The following ROBO1 variants were observed in gnomAD, a reference collection of about 807,000 sequenced individuals.
ROBO1 encodes the protein roundabout guidance receptor 1.
ROBO1 carries 149 observed loss-of-function variants against 195.9 expected under a neutral mutation model. The observed-to-expected ratio is 0.76, with a 90% CI of 0.67 to 0.87. The LOEUF is 0.87. Ranked by LOEUF, ROBO1 falls within the 40% of genes least tolerant of loss-of-function variation. The probability of loss-of-function intolerance (pLI) is 0.00; values close to 1 mark genes in which losing one functional copy is unlikely to be tolerated. For synonymous variants in ROBO1, 816 were observed against 733.2 expected (o/e 1.11, Z -1.82); for missense variants, 1,933 against 2,068.3 (o/e 0.93, Z 1.27).
At chr3:78,720,951 G>GGGC (rs1553711854) in intron 5 of ROBO1, among the ~76,000 whole-genome samples, 1 of 139,994 alleles carries the variant, frequency 7.1e-6, no homozygotes, top group African/African-American at 2.9e-5. Flanking sequence ...TTGTGGGGTT[G>GGGC]GGGGGGGGGC....
At chr3:79,540,206 T>A (rs1942013264) in intron 2 of ROBO1, among the ~76,000 whole-genome samples, 1 of 152,064 alleles carries the variant, frequency 6.6e-6, no homozygotes, top group Non-Finnish European at 1.5e-5. Context: ...TCATATAAGA[T>A]CATGGAACCA....
At chr3:79,620,746 C>A (rs1385308076) in intron 1 of ROBO1, among the ~76,000 whole-genome samples, 1 of 151,954 alleles carries the variant, frequency 6.6e-6, no homozygotes, top group East Asian at 1.9e-4. Flanking sequence ...TGATCATGCA[C>A]CCCTTATCAT....
intron 4 of ROBO1, among the ~76,000 whole-genome samples, chr3:78,838,401 A>G (rs2032919610): frequency 6.6e-6 from 1 of 152,174 alleles, no homozygotes; most frequent in Non-Finnish European, 1.5e-5. Context: ...GTGTTGCTAT[A>G]AAGGAATATC....
intron 3 of ROBO1, among the ~76,000 whole-genome samples, chr3:78,979,883 C>T (rs1456736290): frequency 5.3e-5 from 8 of 151,916 alleles, no homozygotes; most frequent in Admixed American, 1.3e-4. Context: ...TCATTTTACC[C>T]GCCAAAAATA....
intron 1 of ROBO1, among the ~76,000 whole-genome samples, chr3:79,739,152 T>A (rs145995640): frequency 6.6e-6 from 1 of 152,150 alleles, no homozygotes; most frequent in South Asian, 2.1e-4. Context: ...CAAGAAAATG[T>A]AAGATTTTAC....
At position 78,784,070 on chromosome 3, in the gene ROBO1, T is replaced by G. The variant is rs146086004; in HGVS notation, c.500-37170A>C. On this transcript the variant is annotated intron_variant, in intron 4 of 30. Transcript: ENST00000464233. ...CGCAGAAAAAAAAGACATTTTTAAA[T>G]AATAGATTTATAATTCCCTAAATAT... Among the ~76,000 whole-genome samples, 766 of 152,248 alleles carry G rather than the reference T, an allele frequency of 5.0e-3. 5 individuals carry two copies. Among genetic ancestry groups the G allele is most frequent in the African/African-American group, 0.017 (700 of 41,558 alleles).
chr3:79,523,333 A>G (rs1335903992), intron 2 of ROBO1, among the ~76,000 whole-genome samples: 1 of 152,110 alleles, frequency 6.6e-6, no homozygotes, highest in Non-Finnish European at 1.5e-5. Context: ...ACATGCATAT[A>G]TACTTCAAAA....
intron 2 of ROBO1, among the ~76,000 whole-genome samples, chr3:79,343,666 C>T (rs879314963): frequency 6.6e-6 from 1 of 152,030 alleles, no homozygotes; most frequent in East Asian, 1.9e-4. Context: ...CAGGCTATCA[C>T]TTTATACAGA....
chr3:78,745,087 A>G (rs2082624488), intron 5 of ROBO1, among the ~76,000 whole-genome samples: 1 of 152,078 alleles, frequency 6.6e-6, no homozygotes, highest in Non-Finnish European at 1.5e-5. Context: ...AGGCAGGCAT[A>G]TCATGAGGTC....
chr3:79,608,138 G>T (rs1160030820), intron 1 of ROBO1, among the ~76,000 whole-genome samples: 2 of 152,080 alleles, frequency 1.3e-5, no homozygotes, highest in African/African-American at 2.4e-5. Flanking sequence ...ACATGCATGT[G>T]CTTACAAGTT....
intron 1 of ROBO1, among the ~76,000 whole-genome samples, chr3:79,758,203 C>T (rs1054078134): frequency 6.6e-6 from 1 of 152,304 alleles, no homozygotes; most frequent in South Asian, 2.1e-4. Context: ...TCCAATAGAA[C>T]TTTCTCTGAT....
intron 2 of ROBO1, among the ~76,000 whole-genome samples, chr3:79,511,805 C>G (rs569353514): frequency 2.1e-4 from 32 of 152,174 alleles, no homozygotes; most frequent in African/African-American, 7.7e-4. Context: ...TTATCCTTAG[C>G]AAATTAATGC....
chr3:79,084,804 A>G (rs552342105), intron 3 of ROBO1, among the ~76,000 whole-genome samples: 204 of 152,332 alleles, frequency 1.3e-3, no homozygotes, highest in Non-Finnish European at 1.9e-3. Flanking sequence ...AGTGTCCAGC[A>G]CACAAGAGGA....
chr3:79,620,167 G>A (rs987183729), intron 1 of ROBO1, among the ~76,000 whole-genome samples: 13 of 152,246 alleles, frequency 8.5e-5, no homozygotes, highest in South Asian at 4.1e-4. Context: ...CCGTCTGTGC[G>A]GGACCCCACT....
intron 4 of ROBO1, among the ~76,000 whole-genome samples, chr3:78,895,674 A>C (rs1159338096): frequency 6.6e-6 from 1 of 152,252 alleles, no homozygotes; most frequent in Non-Finnish European, 1.5e-5. Flanking sequence ...TGGCATTGCT[A>C]TCACAAAAGT....
At chr3:79,744,553 G>A (rs1402439675) in intron 1 of ROBO1, among the ~76,000 whole-genome samples, 4 of 152,092 alleles carry the variant, frequency 2.6e-5, no homozygotes, top group Non-Finnish European at 1.5e-5. Flanking sequence ...CTTTCTACAT[G>A]ATGTGAGGAT....
At chr3:79,503,953 C>T (rs1940255585) in intron 2 of ROBO1, among the ~76,000 whole-genome samples, 1 of 152,116 alleles carries the variant, frequency 6.6e-6, no homozygotes, top group African/African-American at 2.4e-5. Flanking sequence ...CTTTACAAGG[C>T]ACAGAAGAAA....
intron 2 of ROBO1, among the ~76,000 whole-genome samples, chr3:79,161,815 G>A (rs888802372): frequency 6.6e-5 from 10 of 152,170 alleles, no homozygotes; most frequent in East Asian, 1.9e-4. Context: ...TAGAAGGACC[G>A]TCTATCCCTA....
At chr3:78,789,149 TAGAC>T (rs1443883040) in intron 4 of ROBO1, among the ~76,000 whole-genome samples, 4 of 152,120 alleles carry the variant, frequency 2.6e-5, no homozygotes, top group Non-Finnish European at 5.9e-5. Context: ...TCTAGAGAAA[TAGAC>T]TACCCATAAC....
Sources: gnomAD v4.1 joint callset for allele counts (sites outside exome capture counted in the v4.1 genomes callset) on GRCh38, gnomAD v4.1.1 for gene constraint, MANE v1.5 for transcripts, NCBI Gene and HGNC (gene_info 2026-07-23, HGNC 2026-07-21) for gene names.